TMEM178B: variants seen among roughly 807,000 people sequenced by gnomAD.
The protein encoded by TMEM178B is transmembrane protein 178B.
Under a neutral mutation model 31.0 loss-of-function variants are expected in TMEM178B, and 5 were observed. The observed-to-expected ratio is 0.16, with a 90% confidence interval of 0.08 to 0.34. The LOEUF (loss-of-function observed/expected upper bound fraction) is 0.34. Ranked by LOEUF, TMEM178B falls within the 10% of genes least tolerant of loss-of-function variation. TMEM178B has a pLI of 1.00. For synonymous variants in TMEM178B, 164 were observed against 164.0 expected, an observed-to-expected ratio of 1.00 and a Z score of 0.00; for missense variants, 275 against 400.3, an observed-to-expected ratio of 0.69 and a Z score of 2.67.
chr7:141,315,515 A>G (rs986946848), intron 2 of TMEM178B, among the ~76,000 whole-genome samples: 4 of 152,090 alleles, frequency 2.6e-5, no homozygotes, highest in African/African-American at 9.7e-5. Flanking sequence ...CCCTTCTTCA[A>G]AGTCTAGATT....
chr7:141,439,400 C>T (rs1801615398), intron 3 of TMEM178B, among the ~76,000 whole-genome samples: 1 of 152,068 alleles, frequency 6.6e-6, no homozygotes, highest in South Asian at 2.1e-4. Flanking sequence ...CACACTCCTC[C>T]TTCTGGTCTC....
chr7:141,153,785 C>T lies in TMEM178B; in HGVS notation c.383-58806C>T, dbSNP rs1586798643. ...TTTTTCATATTGATTTGGATGAGCT[C>T]TTTATATAAGACATAAGCATTTTGT... is the stretch of plus-strand genomic sequence containing the variant. On this transcript the variant is annotated intron_variant, in intron 1 of 3. Coordinates refer to ENST00000565468, the MANE Select transcript of TMEM178B (RefSeq NM_001195278.2). Among the ~76,000 whole-genome samples, 5 of 152,210 alleles carry T rather than the reference C, an allele frequency of 3.3e-5. No homozygotes were observed. In the South Asian group the frequency reaches 1.0e-3, roughly 32 times the overall value.
chr7:141,242,508 GTT>G (rs1491399061), intron 2 of TMEM178B, among the ~76,000 whole-genome samples: 1 of 124,030 alleles, frequency 8.1e-6, no homozygotes, highest in African/African-American at 3.2e-5. Context: ...GTGTGTGTGT[GTT>G]TCTCCATTAC....
intron 1 of TMEM178B, among the ~76,000 whole-genome samples, chr7:141,102,983 C>G (rs533182673): frequency 5.9e-5 from 9 of 152,272 alleles, no homozygotes; most frequent in Non-Finnish European, 1.0e-4. Context: ...ATCTGGATCT[C>G]TCTCCATCAC....
intron 1 of TMEM178B, among the ~76,000 whole-genome samples, chr7:141,196,619 G>A (rs918547240): frequency 1.3e-5 from 2 of 152,178 alleles, no homozygotes; most frequent in African/African-American, 2.4e-5. Context: ...GGGGACACTT[G>A]TTTAACTAAC....
intron 1 of TMEM178B, among the ~76,000 whole-genome samples, chr7:141,130,573 A>G (rs960931777): frequency 6.6e-6 from 1 of 152,138 alleles, no homozygotes; most frequent in African/African-American, 2.4e-5. Context: ...TTATTTATCC[A>G]TTCTACTGTT....
At chr7:141,483,946 G>T (rs1029842336), downstream of TMEM178B, among the ~76,000 whole-genome samples, 1 of 152,070 alleles carries the variant, frequency 6.6e-6, no homozygotes, top group Non-Finnish European at 1.5e-5. Flanking sequence ...ACGTTGGCCA[G>T]GCTGGTCTCG....
intron 1 of TMEM178B, among the ~76,000 whole-genome samples, chr7:141,209,993 G>T (rs1001896356): frequency 6.6e-6 from 1 of 152,132 alleles, no homozygotes; most frequent in Non-Finnish European, 1.5e-5. Context: ...GGCCAACAGA[G>T]GGCCTGTGAA....
chr7:141,255,152 C>G (rs1797906021), intron 2 of TMEM178B, among the ~76,000 whole-genome samples: 1 of 152,156 alleles, frequency 6.6e-6, no homozygotes, highest in African/African-American at 2.4e-5. Flanking sequence ...CAAGGTCTGC[C>G]TATTTTTCTC....
chr7:141,184,789 G>T (rs117975093), intron 1 of TMEM178B, among the ~76,000 whole-genome samples: 1 of 152,118 alleles, frequency 6.6e-6, no homozygotes, highest in Non-Finnish European at 1.5e-5. Flanking sequence ...AAGTTTACAC[G>T]CAGTGACCCT....
At chr7:141,386,120 G>A (rs545932670) in intron 2 of TMEM178B, among the ~76,000 whole-genome samples, 1 of 152,182 alleles carries the variant, frequency 6.6e-6, no homozygotes, top group South Asian at 2.1e-4. Context: ...CTAAAAAACA[G>A]AGATTTTGAG....
At position 141,330,006 on chromosome 7, in the gene TMEM178B, A is replaced by G. The variant is rs181919482; in HGVS notation, c.497-107602A>G. ...GGCCAGGAGATACACTAGGACTGTC[A>G]CTGCATGGTGAAGATGGCCATGGTA... On this transcript the variant is annotated intron_variant, in intron 2 of 3. Transcript: ENST00000565468. 2.0e-5 allele frequency among the ~76,000 whole-genome samples: 3 copies of G among 152,326 alleles called. No individual in the cohort carries two copies. The East Asian group carries it at 5.8e-4, about 29-fold the overall frequency.
intron 2 of TMEM178B, among the ~76,000 whole-genome samples, chr7:141,409,957 G>A (rs1182547453): frequency 6.6e-6 from 1 of 152,132 alleles, no homozygotes; most frequent in Non-Finnish European, 1.5e-5. Context: ...AGCCCCGGGT[G>A]ACATATGTAT....
intron 1 of TMEM178B, among the ~76,000 whole-genome samples, chr7:141,194,789 CA>C (rs1229073856): frequency 6.6e-6 from 1 of 152,224 alleles, no homozygotes; most frequent in Non-Finnish European, 1.5e-5. Flanking sequence ...ATGAGGGCCC[CA>C]CCCCTGCAGC....
chr7:141,193,151 A>G (rs1001426401), intron 1 of TMEM178B, among the ~76,000 whole-genome samples: 3 of 152,150 alleles, frequency 2.0e-5, no homozygotes, highest in Non-Finnish European at 4.4e-5. Context: ...CTCTGCCTCC[A>G]GCCCTTCTGC....
intron 2 of TMEM178B, among the ~76,000 whole-genome samples, chr7:141,314,348 G>A (rs923860459): frequency 7.2e-5 from 11 of 152,188 alleles, no homozygotes; most frequent in African/African-American, 2.7e-4. Context: ...GGATCTGATT[G>A]CAGGATGTTT....
intron 2 of TMEM178B, among the ~76,000 whole-genome samples, chr7:141,434,878 G>A (rs1801505512): frequency 6.6e-6 from 1 of 152,086 alleles, no homozygotes; most frequent in Non-Finnish European, 1.5e-5. Context: ...CTGTGGCCTG[G>A]CTTATTTCAC....
rs34199017 is a variant in TMEM178B at position 141,253,544 on chromosome 7, C to CTTTTTT, written c.496+40858_496+40863dup. ...TCATTTTAGATACACATTTTCCCTT[C>CTTTTTT]TTTTTTTTTTTTTTTTTTTTTTTGA... On this transcript the variant is annotated intron_variant, in intron 2 of 3. Transcript: ENST00000565468. Among the ~76,000 whole-genome samples the CTTTTTT allele has an allele frequency of 4.0e-3, 280 of 69,940 alleles. 1 individual carries two copies. The highest frequency in any genetic ancestry group is 0.014 in the Middle Eastern group (1 of 74). 45.9% of individuals were successfully genotyped at this position (69,940 alleles called of 152,430 possible).
At chr7:141,128,495 GC>G (rs1303197621) in intron 1 of TMEM178B, among the ~76,000 whole-genome samples, 1 of 151,556 alleles carries the variant, frequency 6.6e-6, no homozygotes, top group Non-Finnish European at 1.5e-5. Flanking sequence ...CAATGAACAA[GC>G]ACATCAGGCT....
Sources: allele counts gnomAD v4.1 joint callset (sites outside exome capture counted in the v4.1 genomes callset), GRCh38; gene constraint gnomAD v4.1.1; transcripts MANE v1.5; gene names NCBI Gene and HGNC (gene_info 2026-07-23, HGNC 2026-07-21).